ETNK2: variants seen among roughly 807,000 people sequenced by gnomAD.
ETNK2 encodes the protein ethanolamine kinase-like protein.
In ETNK2, 33 loss-of-function variants were observed where a neutral mutation model predicts 46.2. The observed-to-expected ratio is 0.71, with a 90% CI of 0.54 to 0.96. The LOEUF (loss-of-function observed/expected upper bound fraction) is 0.96. Ranked by LOEUF, ETNK2 falls within the 40% of genes least tolerant of loss-of-function variation. The probability of loss-of-function intolerance (pLI) is 0.00; values close to 1 mark genes in which losing one functional copy is unlikely to be tolerated. For missense variants in ETNK2, 445 were observed against 509.7 expected (o/e 0.87, Z 1.22); for synonymous variants, 194 against 209.0 (o/e 0.93, Z 0.62).
chr1:204,141,640 C>T, intron 3 of ETNK2, 183 bp from the exon 4 acceptor site: 1 of 620,808 alleles, frequency 1.6e-6, no homozygotes, highest in Non-Finnish European at 2.8e-6. Flanking sequence ...GCGTCCTGTC[C>T]TTCTGACTCC....
intron 5 of ETNK2, among the ~76,000 whole-genome samples, chr1:204,137,755 GT>G (rs142984611): frequency 0.01 from 1,538 of 152,300 alleles, 19 homozygotes; most frequent in African/African-American, 0.034. Flanking sequence ...GCTTCCTGGT[GT>G]TAAGCTGGCT....
At chr1:204,133,222 T>C (rs2102277809) in intron 7 of ETNK2, among the ~76,000 whole-genome samples, 1 of 152,344 alleles carries the variant, frequency 6.6e-6, no homozygotes, top group African/African-American at 2.4e-5. Context: ...AACATAGGTA[T>C]ATAAATATTT....
In ETNK2 at chr1:204,132,260, TG is replaced by T; in HGVS notation, c.1089-5del. ...GTTGAATCGGATCACTGCGTACCTG[TG>T]GGGAAGACAGAAGGAAGCTGGGTGT... On this transcript the variant is annotated splice_polypyrimidine_tract_variant and splice_region_variant and intron_variant, in intron 7 of 7. Coordinates refer to ENST00000367202, the MANE Select transcript of ETNK2 (RefSeq NM_018208.4). 6.4e-7 allele frequency: 1 copy of T among 1,565,934 alleles called. No homozygotes were observed. Among genetic ancestry groups the T allele is most frequent in the Non-Finnish European group, 8.7e-7 (1 of 1,154,858 alleles).
rs1485338667 is a variant in ETNK2 at position 204,151,691 on chromosome 1, G to T, written c.162C>A (p.Phe54Leu). The change falls in exon 1 of 8, where the codon TTC becomes TTA. Residue 54 changes from phenylalanine (F) to leucine (L), a missense_variant. Transcript: ENST00000367202. This position sits in a 1 kb window ranked among gnomAD's most constrained non-coding sequence, Gnocchi z 8.0. ...GPPRAAAVAY[F>L]GISVDPDDIL... ...TGTCGTCCGGGTCCACGGAAATGCCGAAGTACGCGACGGCGGCGGCCCTCG... is the reference window on the plus strand; with the variant it reads ...TGTCGTCCGGGTCCACGGAAATGCCTAAGTACGCGACGGCGGCGGCCCTCG... 1.4e-5 allele frequency: 21 copies of T among 1,545,882 alleles called. No individual in the cohort carries two copies. Among genetic ancestry groups the T allele is most frequent in the Non-Finnish European group, 1.7e-5 (20 of 1,145,178 alleles).
chr1:204,147,145 G>A lies in ETNK2; in HGVS notation c.519-381C>T, dbSNP rs536412150. On this transcript the variant is annotated intron_variant, in intron 2 of 7. Coordinates refer to ENST00000367202, the MANE Select transcript of ETNK2 (RefSeq NM_018208.4). ...GGGCGGGGCTGGCCCTCCTCTCCCC[G>A]GACTCTGACCCATCCTCTCAGGGGA... 5.9e-5 allele frequency among the ~76,000 whole-genome samples: 9 copies of A among 152,296 alleles called. No homozygotes were observed. The South Asian group carries it at 1.2e-3, about 21-fold the overall frequency.
chr1:204,148,059 C>T (rs576139803), intron 2 of ETNK2, among the ~76,000 whole-genome samples: 18 of 152,296 alleles, frequency 1.2e-4, no homozygotes, highest in Non-Finnish European at 2.1e-4. Context: ...CAACACTCAG[C>T]ATTTTCATGC....
At chr1:204,139,732 C>T (rs1657425333) in intron 5 of ETNK2, among the ~76,000 whole-genome samples, 1 of 152,170 alleles carries the variant, frequency 6.6e-6, no homozygotes, top group South Asian at 2.1e-4. Flanking sequence ...GTGTGATCAT[C>T]AGTGTACTTA....
At chr1:204,148,121 G>A (rs888141712) in intron 2 of ETNK2, among the ~76,000 whole-genome samples, 8 of 152,148 alleles carry the variant, frequency 5.3e-5, no homozygotes, top group African/African-American at 7.2e-5. Context: ...GGAACATGTA[G>A]AGGGTGGTTC....
intron 7 of ETNK2, among the ~76,000 whole-genome samples, chr1:204,133,819 C>A (rs1657174132): frequency 6.6e-6 from 1 of 152,228 alleles, no homozygotes; most frequent in Non-Finnish European, 1.5e-5. Context: ...GCGTGAGCCA[C>A]CGCGCCCGGC....
chr1:204,147,349 A>G, intron 2 of ETNK2: 1 of 480,358 alleles, frequency 2.1e-6, no homozygotes, highest in Non-Finnish European at 4.3e-6. Flanking sequence ...CCGCAAAACA[A>G]GCCAGCGTTC....
chr1:204,145,584 T>A (rs1657750373), intron 3 of ETNK2, among the ~76,000 whole-genome samples: 1 of 152,262 alleles, frequency 6.6e-6, no homozygotes, highest in African/African-American at 2.4e-5. Context: ...CTGGGCCACC[T>A]TGGACAAATA....
intron 4 of ETNK2, chr1:204,140,891 T>C (rs1388347755): frequency 1.2e-5 from 4 of 321,694 alleles, no homozygotes; most frequent in African/African-American, 6.8e-5. Context: ...GGCTCCATCA[T>C]GGCTCACTGC....
In ETNK2 at chr1:204,149,582, TCATG is replaced by T. The variant is rs1173120207; in HGVS notation, c.518+117_518+120del. On this transcript the variant is annotated intron_variant, in intron 2 of 7. Transcript: ENST00000367202. ...AGCAATGCATATAAACATGCATTTT[TCATG>T]CAATTTCAGGGAACTCACAGATCTT... 1.5e-5 allele frequency: 19 copies of T among 1,259,184 alleles called. No homozygotes were observed. In the Admixed American group the frequency reaches 4.6e-4, roughly 30 times the overall value. The allele number at this position is 1,259,184 out of a possible 1,614,324, so 78.0% of individuals were successfully genotyped here.
chr1:204,133,489 TTTAA>T (rs1270429819), intron 7 of ETNK2, among the ~76,000 whole-genome samples: 1 of 151,580 alleles, frequency 6.6e-6, no homozygotes, highest in East Asian at 1.9e-4. Context: ...TGCTTTTTTT[TTTAA>T]TTAAATTTTA....
At chr1:204,144,631 C>T (rs1227320007) in intron 3 of ETNK2, among the ~76,000 whole-genome samples, 1 of 152,158 alleles carries the variant, frequency 6.6e-6, no homozygotes, top group Non-Finnish European at 1.5e-5. Context: ...TTCATGACTT[C>T]CCGCTACTTG....
chr1:204,149,535 A>G (rs1571635689), intron 2 of ETNK2, among the ~76,000 whole-genome samples, 168 bp downstream of exon 2: 1 of 152,318 alleles, frequency 6.6e-6, no homozygotes, highest in East Asian at 1.9e-4. Context: ...AATCTACAGA[A>G]AGCGATAGCC....
intron 7 of ETNK2, 86 bp from the exon 8 acceptor site, chr1:204,132,342 T>C (rs1657108871): frequency 1.1e-6 from 1 of 951,502 alleles, no homozygotes. Flanking sequence ...AGAAAAGTTT[T>C]TCAGTGGCTC....
Position 204,137,258 on chromosome 1 carries a change from G to C in ETNK2, c.869-9C>G, listed in dbSNP as rs781006415. 1 of 1,613,006 alleles carries C rather than the reference G, an allele frequency of 6.2e-7. No individual in the cohort carries two copies. Among genetic ancestry groups the C allele is most frequent in the Non-Finnish European group, 8.5e-7 (1 of 1,179,328 alleles). On this transcript the variant is annotated splice_polypyrimidine_tract_variant and intron_variant, in intron 5 of 7. Coordinates refer to ENST00000367202, the MANE Select transcript of ETNK2 (RefSeq NM_018208.4). ...ATCCACCTCATTCACGCCTGAGGGGGAGGCAGGCCAGACAAAGTTGCTCAG... is the reference window on the plus strand; with the variant it reads ...ATCCACCTCATTCACGCCTGAGGGGCAGGCAGGCCAGACAAAGTTGCTCAG...
intron 5 of ETNK2, chr1:204,138,751 G>C (rs958223842): frequency 6.6e-6 from 1 of 152,172 alleles, no homozygotes; most frequent in African/African-American, 2.4e-5. Context: ...TGCTAGTCTG[G>C]GGACAGCTCT....
Sources: allele counts gnomAD v4.1 joint callset (sites outside exome capture counted in the v4.1 genomes callset), GRCh38; gene constraint gnomAD v4.1.1; non-coding constraint Gnocchi (gnomAD v3.1); transcripts MANE v1.5; gene names NCBI Gene and HGNC (gene_info 2026-07-23, HGNC 2026-07-21).